The following MLYCD variants were observed in gnomAD, a reference collection of about 807,000 sequenced individuals.
The protein encoded by MLYCD is malonyl-CoA decarboxylase, mitochondrial.
MLYCD carries 27 observed loss-of-function variants against 35.8 expected under a neutral mutation model. The ratio of observed to expected loss-of-function variants is 0.75; its 90% CI spans 0.56 to 1.04. MLYCD has a LOEUF of 1.04. Among genes scored for constraint, MLYCD ranks in the 50% least tolerant of loss-of-function variants. The pLI is 0.00. For synonymous variants in MLYCD, 403 were observed against 302.4 expected, an observed-to-expected ratio of 1.33 and a Z score of -3.45; for missense variants, 917 against 665.1, an observed-to-expected ratio of 1.38 and a Z score of -4.17.
At chr16:83,901,978 G>C (rs890006338) in intron 1 of MLYCD, among the ~76,000 whole-genome samples, 1 of 151,926 alleles carries the variant, frequency 6.6e-6, no homozygotes, top group Admixed American at 6.6e-5. Context: ...TTCTGTGATT[G>C]CTTTATTGTG....
At position 83,906,603 on chromosome 16, in the gene MLYCD, C is replaced by T. The variant is rs370163749; in HGVS notation, c.529-384C>T. On this transcript the variant is annotated intron_variant, in intron 1 of 4. Coordinates refer to ENST00000262430, the MANE Select transcript of MLYCD (RefSeq NM_012213.3). ...GAGGATGAGGACAGTGCTGTTGACA[C>T]CCTTGCTGTCTTAGTGTTTCCCTTA... Among the ~76,000 whole-genome samples the T allele has an allele frequency of 3.3e-5, 5 of 152,276 alleles. No homozygotes were observed. In the East Asian group the frequency reaches 9.7e-4, roughly 29 times the overall value.
chr16:83,903,380 C>T (rs910631274), intron 1 of MLYCD, among the ~76,000 whole-genome samples: 20 of 152,054 alleles, frequency 1.3e-4, no homozygotes, highest in African/African-American at 4.3e-4. Context: ...GACAGTATAC[C>T]CATAGCATCA....
chr16:83,923,265 T>G lies in MLYCD; in HGVS notation c.*7776T>G, dbSNP rs1215932535. The G allele has an allele frequency of 6.6e-6, 1 of 152,234 alleles. No homozygotes were observed. Among genetic ancestry groups the G allele is most frequent in the Non-Finnish European group, 1.5e-5 (1 of 68,042 alleles). 9.4% of individuals were successfully genotyped at this position (152,234 alleles called of 1,614,324 possible). ...GCTTATTCTGAGCTCTGTTTGAAAT[T>G]AAACATGAGGTGTACTAAAGATTTA... is the stretch of plus-strand genomic sequence containing the variant. On this transcript the variant is annotated 3_prime_UTR_variant, in exon 5 of 5. Transcript: ENST00000262430.
chr16:83,913,449 C>T (rs1907254052), intron 4 of MLYCD: 1 of 152,240 alleles, frequency 6.6e-6, no homozygotes, highest in South Asian at 2.1e-4. Context: ...CTTAACTGCC[C>T]CTGGGCGGCC....
At chr16:83,906,760 C>G (rs538206877) in intron 1 of MLYCD, among the ~76,000 whole-genome samples, 57 of 152,240 alleles carry the variant, frequency 3.7e-4, no homozygotes, top group Middle Eastern at 6.8e-3. Flanking sequence ...TCTTAACAGA[C>G]TGAAGTAGTT....
intron 1 of MLYCD, among the ~76,000 whole-genome samples, chr16:83,901,353 T>G (rs536430233): frequency 2.0e-5 from 3 of 152,254 alleles, no homozygotes; most frequent in Admixed American, 2.0e-4. Context: ...TTTAAATTTC[T>G]TGCATAGCAG....
chr16:83,909,354 A>T (rs1031910088), intron 3 of MLYCD, among the ~76,000 whole-genome samples: 11 of 152,342 alleles, frequency 7.2e-5, no homozygotes, highest in Admixed American at 4.6e-4. Flanking sequence ...AATGGGCTCC[A>T]GGAGGGCGCT....
intron 3 of MLYCD, among the ~76,000 whole-genome samples, chr16:83,909,524 A>C (rs1012619774): frequency 2.6e-5 from 4 of 152,034 alleles, no homozygotes; most frequent in African/African-American, 7.2e-5. Context: ...TAATATTAAT[A>C]ATATCTGTTG....
chr16:83,899,285 G>C lies in MLYCD; in HGVS notation c.141G>C (p.Ala47=), dbSNP rs1299355806. ...CCATGGACGAGCTGCTGCGCCGCGC[G>C]GTGCCGCCGACGCCGGCCTACGAGC... ...ERAMDELLRR[A]VPPTPAYELR... The change falls in exon 1 of 5, where the codon GCG becomes GCC. Residue 47 remains alanine (A), a synonymous_variant. Transcript: ENST00000262430. 1 of 1,474,046 alleles carries C rather than the reference G, an allele frequency of 6.8e-7. No homozygotes were observed. Among genetic ancestry groups the C allele is most frequent in the Non-Finnish European group, 8.9e-7 (1 of 1,118,396 alleles). The allele number at this position is 1,474,046 out of a possible 1,614,324, so 91.3% of individuals were successfully genotyped here. A position where few individuals can be genotyped will look rare whatever the true frequency, so the allele number is the denominator to read the frequency against.
intron 3 of MLYCD, chr16:83,911,551 G>GGTGT: frequency 6.5e-6 from 1 of 153,714 alleles, no homozygotes; most frequent in Non-Finnish European, 1.4e-5. Context: ...CCGTGAGAAT[G>GGTGT]AGAGGCAATA....
chr16:83,912,566 G>A, intron 4 of MLYCD, 199 bp downstream of exon 4: 1 of 677,688 alleles, frequency 1.5e-6, no homozygotes, highest in Non-Finnish European at 2.5e-6. Context: ...GAATGATGCT[G>A]AGAGAGGCCT....
chr16:83,914,552 T>C (rs796398762), intron 4 of MLYCD: 2 of 307,032 alleles, frequency 6.5e-6, no homozygotes, highest in Non-Finnish European at 1.3e-5. Context: ...GAAGGGATGG[T>C]GGGGACAGAG....
intron 2 of MLYCD, among the ~76,000 whole-genome samples, chr16:83,907,300 A>C (rs185884339): frequency 6.6e-6 from 1 of 152,188 alleles, no homozygotes; most frequent in African/African-American, 2.4e-5. Flanking sequence ...ACGAAAGGGC[A>C]CCAAGAGAAA....
rs144243553 is a variant in MLYCD, at chr16:83,919,644, A to G, written c.*4155A>G. On this transcript the variant is annotated 3_prime_UTR_variant, in exon 5 of 5. Transcript: ENST00000262430. ...CGGGGCACAGGAGAACACACGATGC[A>G]CGGAACACGGTGATCAGAACACGGT... 2 of 152,104 alleles carry G rather than the reference A, an allele frequency of 1.3e-5. No homozygotes were observed. Among genetic ancestry groups the G allele is most frequent in the Non-Finnish European group, 2.9e-5 (2 of 68,574 alleles). The allele number at this position is 152,104 out of a possible 1,614,324, so 9.4% of individuals were successfully genotyped here.
intron 1 of MLYCD, among the ~76,000 whole-genome samples, chr16:83,901,860 G>C (rs892793275): frequency 2.0e-5 from 3 of 152,116 alleles, no homozygotes; most frequent in Non-Finnish European, 4.4e-5. Flanking sequence ...ATACTGTAAT[G>C]CTAGGCCAAA....
At position 83,899,622 on chromosome 16, in the gene MLYCD, G is replaced by T; in HGVS notation, c.478G>T (p.Asp160Tyr). 1 of 1,568,622 alleles carries T rather than the reference G, an allele frequency of 6.4e-7. No homozygotes were observed. The change falls in exon 1 of 5, where the codon GAC (aspartate) becomes TAC (tyrosine). Residue 160 changes from aspartate to tyrosine, a missense_variant. Transcript: ENST00000262430. ...GVRFLVQLRA[D>Y]LLEAQALKLV... is the part of the protein sequence containing the mutation. ...GCGCTTCCTGGTGCAGCTGCGGGCC[G>T]ACCTGCTGGAGGCGCAGGCCCTCAA...
In MLYCD at chr16:83,924,791, C is replaced by T. The variant is rs2151064396; in HGVS notation, c.*9302C>T. 6.6e-6 allele frequency: 1 copy of T among 152,156 alleles called. No individual in the cohort carries two copies. Among genetic ancestry groups the T allele is most frequent in the Middle Eastern group, 3.4e-3 (1 of 294 alleles). 9.4% of individuals were successfully genotyped at this position (152,156 alleles called of 1,614,324 possible). On this transcript the variant is annotated 3_prime_UTR_variant, in exon 5 of 5. Coordinates refer to ENST00000262430, the MANE Select transcript of MLYCD (RefSeq NM_012213.3). ...CAGCTCTCACCGAGGCCCCCGGTGA[C>T]CTCCTAGGGGGTACATCCAGCCAGG...
chr16:83,921,920 C>T lies in MLYCD; in HGVS notation c.*6431C>T, dbSNP rs555353528. On this transcript the variant is annotated 3_prime_UTR_variant, in exon 5 of 5. Coordinates refer to ENST00000262430, the MANE Select transcript of MLYCD (RefSeq NM_012213.3). ...CCCTACAGGAAAGTGCTACTCAGTG[C>T]CCAGGTGACATCGTCACAAGGGGAA... 2 of 152,332 alleles carry T rather than the reference C, an allele frequency of 1.3e-5. No individual in the cohort carries two copies. The highest frequency in any genetic ancestry group is 4.1e-4 in the South Asian group (2 of 4,822). 9.4% of individuals were successfully genotyped at this position (152,332 alleles called of 1,614,324 possible).
intron 1 of MLYCD, among the ~76,000 whole-genome samples, chr16:83,903,474 G>T (rs1261676196): frequency 2.0e-5 from 3 of 152,186 alleles, no homozygotes; most frequent in African/African-American, 7.2e-5. Context: ...CCTCATCCAT[G>T]ACTTTATCCT....
Sources: gnomAD v4.1 joint callset for allele counts (sites outside exome capture counted in the v4.1 genomes callset) on GRCh38, gnomAD v4.1.1 for gene constraint, MANE v1.5 for transcripts, NCBI Gene and HGNC (gene_info 2026-07-23, HGNC 2026-07-21) for gene names.